RBM19: variants seen among roughly 807,000 people sequenced by gnomAD.
The protein encoded by RBM19 is probable RNA-binding protein 19.
In RBM19, 94 loss-of-function variants were observed where a neutral mutation model predicts 116.8. That is an observed-to-expected ratio of 0.80 (90% CI 0.68 to 0.95). RBM19 has a LOEUF of 0.95. Among genes scored for constraint, RBM19 ranks in the 40% least tolerant of loss-of-function variants. The pLI is 0.00. For missense variants in RBM19, 1,161 were observed against 1,220.7 expected, an observed-to-expected ratio of 0.95 and a Z score of 0.73; for synonymous variants, 475 against 494.1, an observed-to-expected ratio of 0.96 and a Z score of 0.51.
intron 8 of RBM19, among the ~76,000 whole-genome samples, chr12:113,950,632 C>T (rs543405064): frequency 6.6e-6 from 1 of 151,864 alleles, no homozygotes; most frequent in South Asian, 2.1e-4. Context: ...GCTCTGCTTC[C>T]TGACCTCTTT....
chr12:113,959,122 A>C, intron 5 of RBM19, 90 bp downstream of exon 5: 1 of 1,426,726 alleles, frequency 7.0e-7, no homozygotes, highest in Non-Finnish European at 9.5e-7. Context: ...CCTGACTCCT[A>C]GAGTCTGCAC....
intron 22 of RBM19, among the ~76,000 whole-genome samples, chr12:113,856,968 A>C (rs1430525373): frequency 2.6e-5 from 4 of 152,240 alleles, no homozygotes; most frequent in African/African-American, 9.6e-5. Flanking sequence ...TCTGGGGTTC[A>C]AACTCAGGCA....
chr12:113,933,800 C>T (rs1349604395), intron 16 of RBM19, among the ~76,000 whole-genome samples: 1 of 152,198 alleles, frequency 6.6e-6, no homozygotes, highest in Admixed American at 6.5e-5. Context: ...ACTTGTCCCC[C>T]AACAGCTCTA....
At position 113,946,448 on chromosome 12, in the gene RBM19, T is replaced by C. The variant is rs1269137974; in HGVS notation, c.1435A>G (p.Thr479Ala). The change falls in exon 12 of 24, where the codon ACC becomes GCC. Residue 479 changes from threonine to alanine, a missense_variant. By Grantham distance (58) the Thr-to-Ala change is moderately conservative. Transcript: ENST00000261741. ...TCCTCGCTGGCTTCCTTCTTGATGG[T>C]AGATGGTAACACGTGGAGCATCCTG... ...QGRMLHVLPS[T>A]IKKEASEDAS... The C allele has an allele frequency of 1.9e-6, 3 of 1,613,980 alleles. No individual in the cohort carries two copies. Among genetic ancestry groups the C allele is most frequent in the Non-Finnish European group, 2.5e-6 (3 of 1,180,016 alleles).
chr12:113,946,838 C>A (rs1871067913), intron 11 of RBM19, among the ~76,000 whole-genome samples: 1 of 152,074 alleles, frequency 6.6e-6, no homozygotes, highest in African/African-American at 2.4e-5. Context: ...ACAAGGGGAT[C>A]AAGAAATCAT....
At chr12:113,872,923 A>G (rs1208837114) in intron 21 of RBM19, among the ~76,000 whole-genome samples, 5 of 80,826 alleles carry the variant, frequency 6.2e-5, no homozygotes, top group Non-Finnish European at 1.2e-4. Context: ...TCCGGGAGGG[A>G]GGTGGGGGGG....
chr12:113,868,475 A>G (rs889113341), intron 21 of RBM19, among the ~76,000 whole-genome samples: 1 of 152,250 alleles, frequency 6.6e-6, no homozygotes, highest in African/African-American at 2.4e-5. Context: ...CTATGTTTAA[A>G]GTCTTCTGGG....
chr12:113,845,807 C>T (rs1002673029), intron 22 of RBM19, among the ~76,000 whole-genome samples: 5 of 152,198 alleles, frequency 3.3e-5, no homozygotes, highest in Admixed American at 6.5e-5. Flanking sequence ...ACAGAGAGGC[C>T]GTGAGCTTAG....
chr12:113,948,320 C>T (rs1433748894), intron 10 of RBM19, among the ~76,000 whole-genome samples: 2 of 152,184 alleles, frequency 1.3e-5, no homozygotes, highest in Non-Finnish European at 2.9e-5. Context: ...GACTACAGGC[C>T]CTCAAGCCCA....
chr12:113,927,224 C>T lies in RBM19; in HGVS notation c.2074G>A (p.Asp692Asn), dbSNP rs1257771354. ...TTTTCATCTTCTGGGGTTTCGCCATCAGGCACTGAACCCCCATCAAAACAA... is the reference window on the plus strand; with the variant it reads ...TTTTCATCTTCTGGGGTTTCGCCATTAGGCACTGAACCCCCATCAAAACAA... ...KDPAEPETVP[D>N]GETPEDENPT... The change falls in exon 17 of 24, where the codon GAT becomes AAT. Residue 692 changes from aspartate (D) to asparagine (N), a missense_variant. By Grantham distance (23) the Asp-to-Asn change is conservative. Transcript: ENST00000261741. 6.4e-7 allele frequency: 1 copy of T among 1,556,790 alleles called. No homozygotes were observed.
chr12:113,936,942 C>T, intron 16 of RBM19, 65 bp downstream of exon 16: 1 of 1,580,068 alleles, frequency 6.3e-7, no homozygotes. Context: ...TTCACGCTGC[C>T]CCCAACCCTC....
intron 19 of RBM19, among the ~76,000 whole-genome samples, chr12:113,920,018 C>A (rs1449927854): frequency 6.6e-6 from 1 of 152,176 alleles, no homozygotes; most frequent in African/African-American, 2.4e-5. Flanking sequence ...AACCGCCACC[C>A]CACGCCGCCC....
chr12:113,907,192 T>C (rs1362836920), intron 21 of RBM19, among the ~76,000 whole-genome samples: 2 of 152,190 alleles, frequency 1.3e-5, no homozygotes, highest in Non-Finnish European at 2.9e-5. Flanking sequence ...GGTCTTATTC[T>C]CATCCCTCCT....
At chr12:113,918,521 G>A (rs1461800567) in intron 19 of RBM19, 74 bp from the exon 20 acceptor site, 16 of 1,515,612 alleles carry the variant, frequency 1.1e-5, no homozygotes, top group Middle Eastern at 1.9e-4. Flanking sequence ...CTTCACCAGA[G>A]CAGAGCCCTG....
intron 16 of RBM19, among the ~76,000 whole-genome samples, chr12:113,930,626 C>G (rs879724878): frequency 1.3e-5 from 2 of 152,198 alleles, no homozygotes; most frequent in African/African-American, 2.4e-5. Context: ...TCTTACCCTC[C>G]CCTTCGGGAG....
At chr12:113,910,510 C>T (rs1349120283) in intron 21 of RBM19, among the ~76,000 whole-genome samples, 1 of 152,176 alleles carries the variant, frequency 6.6e-6, no homozygotes, top group African/African-American at 2.4e-5. Context: ...TGCAGAACCT[C>T]CTTCCTGGAA....
chr12:113,915,233 A>G (rs1353765353), intron 20 of RBM19, 148 bp from the exon 21 acceptor site: 2 of 693,320 alleles, frequency 2.9e-6, no homozygotes, highest in Non-Finnish European at 5.2e-6. Flanking sequence ...AAGGAGAGGA[A>G]GGCCGTCTCC....
At chr12:113,817,612 G>A (rs998089701), downstream of RBM19, 3 of 152,246 alleles carry the variant, frequency 2.0e-5, no homozygotes, top group African/African-American at 7.2e-5. Context: ...CAGACCTCCG[G>A]GCCTGGCTTG....
intron 16 of RBM19, among the ~76,000 whole-genome samples, chr12:113,931,140 G>A (rs1869563470): frequency 6.6e-6 from 1 of 152,190 alleles, no homozygotes; most frequent in African/African-American, 2.4e-5. Flanking sequence ...TACATTTGAA[G>A]TTTAAATGAA....
Sources: allele counts gnomAD v4.1 joint callset (sites outside exome capture counted in the v4.1 genomes callset), GRCh38; gene constraint gnomAD v4.1.1; transcripts MANE v1.5; gene names NCBI Gene and HGNC (gene_info 2026-07-23, HGNC 2026-07-21).